WDFY2: variants seen among roughly 807,000 people sequenced by gnomAD.
WDFY2 encodes WD repeat and FYVE domain-containing protein 2.
WDFY2 carries 36 observed loss-of-function variants against 56.4 expected under a neutral mutation model. The observed-to-expected ratio is 0.64, with a 90% confidence interval of 0.49 to 0.84. The LOEUF (loss-of-function observed/expected upper bound fraction) is 0.84. WDFY2 is among the 40% of genes least tolerant of loss of function. WDFY2 has a pLI of 0.00. For missense variants in WDFY2, 444 were observed against 512.2 expected (o/e 0.87, Z 1.29); for synonymous variants, 176 against 183.7 (o/e 0.96, Z 0.34).
intron 1 of WDFY2, among the ~76,000 whole-genome samples, chr13:51,633,411 C>G (rs1954990260): frequency 2.0e-5 from 3 of 152,196 alleles, no homozygotes. Context: ...TTCTGAGCCC[C>G]AGTTTACTCG....
rs1490132225 is a variant in WDFY2, at chr13:51,719,298, T to C, written c.435T>C (p.Ser145=). The C allele has an allele frequency of 6.2e-7, 1 of 1,613,484 alleles. No homozygotes were observed. Among genetic ancestry groups the C allele is most frequent in the Non-Finnish European group, 8.5e-7 (1 of 1,179,784 alleles). The change falls in exon 5 of 12, where the codon AGT becomes AGC. Residue 145 remains serine (S), a synonymous_variant. Transcript: ENST00000298125. ...DKQFAWHCSE[S]GQRLGGYRTS... ...AATTTGCCTGGCACTGCTCTGAGAG[T>C]GGGCAGCGCCTGGGAGGTTATCGGA...
chr13:51,713,608 C>T (rs1952274137), intron 4 of WDFY2, among the ~76,000 whole-genome samples: 1 of 152,162 alleles, frequency 6.6e-6, no homozygotes, highest in Non-Finnish European at 1.5e-5. Context: ...CGTAGTGGCT[C>T]ACGCCTGTAA....
At chr13:51,599,642 C>G (rs1489982652) in intron 1 of WDFY2, among the ~76,000 whole-genome samples, 2 of 152,172 alleles carry the variant, frequency 1.3e-5, no homozygotes, top group Admixed American at 1.3e-4. Context: ...TCAGATGTTT[C>G]TCACCCTTCT....
chr13:51,756,775 T>A, intron 10 of WDFY2: 2 of 458,054 alleles, frequency 4.4e-6, no homozygotes, highest in Non-Finnish European at 5.7e-6. Context: ...CCCAGGAGTA[T>A]AAGGGCTCAG....
intron 1 of WDFY2, among the ~76,000 whole-genome samples, chr13:51,644,706 G>A (rs984540475): frequency 3.9e-5 from 6 of 152,076 alleles, no homozygotes; most frequent in African/African-American, 1.2e-4. Context: ...AGTTGCTACA[G>A]CTGTGAGGAA....
intron 3 of WDFY2, among the ~76,000 whole-genome samples, chr13:51,693,003 T>C (rs1951778582): frequency 6.6e-6 from 1 of 152,210 alleles, no homozygotes; most frequent in Non-Finnish European, 1.5e-5. Context: ...TAGTATTCTC[T>C]GATGGTAGTT....
rs1953345340 is a variant in WDFY2, at chr13:51,755,381, T to C, written c.855T>C (p.Asp285=). 1.9e-6 allele frequency: 3 copies of C among 1,614,208 alleles called. No homozygotes were observed. In the East Asian group the frequency reaches 6.7e-5, roughly 36 times the overall value. ...RQETPEWLDS[D]SCQKCDQPFF... is the part of the protein sequence containing the mutation. ...AGACCCCTGAATGGTTGGACAGTGA[T>C]TCCTGCCAAAAGTGTGATCAGCCTT... is the stretch of plus-strand genomic sequence containing the variant. Residue 285 remains aspartate, a synonymous_variant, in exon 9 of 12, where the codon GAT becomes GAC. Transcript: ENST00000298125.
chr13:51,703,694 A>T (rs763791913), intron 4 of WDFY2, 44 bp downstream of exon 4: 1 of 1,520,898 alleles, frequency 6.6e-7, no homozygotes, highest in South Asian at 1.2e-5. Flanking sequence ...ATTCTAAAAT[A>T]CTTCTTGGTG....
At chr13:51,624,278 C>G (rs984222060) in intron 1 of WDFY2, among the ~76,000 whole-genome samples, 3 of 152,162 alleles carry the variant, frequency 2.0e-5, no homozygotes, top group Non-Finnish European at 4.4e-5. Context: ...GTTAAATAAT[C>G]AGTTTATTTA....
At chr13:51,727,599 G>A (rs1460396990) in intron 5 of WDFY2, 79 bp from the exon 6 acceptor site, 2 of 1,365,604 alleles carry the variant, frequency 1.5e-6, no homozygotes, top group Non-Finnish European at 2.0e-6. Flanking sequence ...CGTATTTCTT[G>A]TTACATTTAT....
At chr13:51,622,544 A>C (rs1232059016) in intron 1 of WDFY2, among the ~76,000 whole-genome samples, 1 of 152,230 alleles carries the variant, frequency 6.6e-6, no homozygotes, top group Non-Finnish European at 1.5e-5. Flanking sequence ...GCAGTTTATA[A>C]GTTTCAAATT....
At chr13:51,674,203 T>C (rs899157049) in intron 2 of WDFY2, among the ~76,000 whole-genome samples, 3 of 152,188 alleles carry the variant, frequency 2.0e-5, no homozygotes, top group African/African-American at 7.2e-5. Context: ...TTGATGCTGA[T>C]TGTGATTATG....
intron 1 of WDFY2, among the ~76,000 whole-genome samples, chr13:51,658,711 G>A (rs1213195210): frequency 1.3e-5 from 2 of 152,112 alleles, no homozygotes; most frequent in East Asian, 1.9e-4. Context: ...GCCGATATGC[G>A]TATCGCTATA....
chr13:51,694,711 G>C (rs1384231736), intron 3 of WDFY2, among the ~76,000 whole-genome samples: 2 of 152,094 alleles, frequency 1.3e-5, no homozygotes, highest in Non-Finnish European at 2.9e-5. Flanking sequence ...TGTATTTCCT[G>C]AGTCTGAATG....
intron 1 of WDFY2, among the ~76,000 whole-genome samples, chr13:51,640,573 G>T (rs1451994483): frequency 6.6e-6 from 1 of 152,208 alleles, no homozygotes; most frequent in Admixed American, 6.5e-5. Flanking sequence ...AATAGGCCAG[G>T]TGCGGTGGCT....
chr13:51,598,167 C>A (rs573685165), intron 1 of WDFY2, among the ~76,000 whole-genome samples: 36 of 152,074 alleles, frequency 2.4e-4, no homozygotes, highest in East Asian at 1.9e-4. Flanking sequence ...CGAGACCAGC[C>A]CGGCCAACAT....
intron 3 of WDFY2, among the ~76,000 whole-genome samples, chr13:51,695,839 A>T (rs1163091822): frequency 6.6e-6 from 1 of 152,304 alleles, no homozygotes; most frequent in East Asian, 1.9e-4. Context: ...ACCCAGTTGG[A>T]GCTTCCGGGC....
intron 9 of WDFY2, 42 bp from the exon 10 acceptor site, chr13:51,756,290 G>C: frequency 6.3e-7 from 1 of 1,583,354 alleles, no homozygotes; most frequent in African/African-American, 1.3e-5. Context: ...CTCAGGAGCT[G>C]AGGGAGCCGT....
intron 3 of WDFY2, among the ~76,000 whole-genome samples, chr13:51,703,277 G>A (rs1198727405): frequency 6.6e-6 from 1 of 152,166 alleles, no homozygotes; most frequent in Non-Finnish European, 1.5e-5. Context: ...ATTTTTAGCT[G>A]TGGCACCCTT....
Sources: allele counts gnomAD v4.1 joint callset (sites outside exome capture counted in the v4.1 genomes callset), GRCh38; gene constraint gnomAD v4.1.1; transcripts MANE v1.5; gene names NCBI Gene and HGNC (gene_info 2026-07-23, HGNC 2026-07-21).